Variants in ERBB4 observed in about 807,000 individuals in gnomAD.
ERBB4 encodes the protein erb-b2 receptor tyrosine kinase 4.
Under a neutral mutation model 158.0 loss-of-function variants are expected in ERBB4, and 42 were observed. That is an observed-to-expected ratio of 0.27 (90% CI 0.21 to 0.34). The LOEUF (loss-of-function observed/expected upper bound fraction) is 0.34, where lower values mean the gene tolerates loss of function less well. Ranked by LOEUF, ERBB4 falls within the 10% of genes least tolerant of loss-of-function variation. ERBB4 has a pLI of 1.00. For synonymous variants in ERBB4, 583 were observed against 558.7 expected, an observed-to-expected ratio of 1.04 and a Z score of -0.61; for missense variants, 1,333 against 1,624.1, an observed-to-expected ratio of 0.82 and a Z score of 3.08.
intron 2 of ERBB4, among the ~76,000 whole-genome samples, chr2:212,006,782 C>G (rs2076269642): frequency 6.6e-6 from 1 of 151,934 alleles, no homozygotes; most frequent in Admixed American, 6.6e-5. Flanking sequence ...TCTAGGCTTA[C>G]GTATCTTGCC....
chr2:212,431,297 T>C (rs934372625), intron 1 of ERBB4, among the ~76,000 whole-genome samples: 17 of 124,736 alleles, frequency 1.4e-4, no homozygotes, highest in Non-Finnish European at 2.8e-4. Flanking sequence ...TCCTTCCAAC[T>C]GCTCATATTA....
chr2:211,630,009 A>G (rs1025366968), intron 17 of ERBB4, among the ~76,000 whole-genome samples: 1 of 152,208 alleles, frequency 6.6e-6, no homozygotes, highest in African/African-American at 2.4e-5. Flanking sequence ...TGTCTAAAAC[A>G]CCAAAAGCAA....
At chr2:212,176,532 G>A (rs984483858) in intron 1 of ERBB4, among the ~76,000 whole-genome samples, 2 of 151,900 alleles carry the variant, frequency 1.3e-5, no homozygotes, top group Non-Finnish European at 2.9e-5. Flanking sequence ...AGAACTTTAG[G>A]AAATAAATGT....
chr2:211,534,633 C>T (rs560361137), intron 20 of ERBB4, among the ~76,000 whole-genome samples: 5 of 152,154 alleles, frequency 3.3e-5, no homozygotes, highest in African/African-American at 1.2e-4. Flanking sequence ...ATATTAATTG[C>T]TACCATTATC....
intron 2 of ERBB4, among the ~76,000 whole-genome samples, chr2:212,055,467 G>C (rs1194617051): frequency 6.6e-6 from 1 of 152,216 alleles, no homozygotes; most frequent in Non-Finnish European, 1.5e-5. Flanking sequence ...TCTGAGAATG[G>C]ATAGACAGCC....
At chr2:212,222,831 A>T (rs1036145265) in intron 1 of ERBB4, among the ~76,000 whole-genome samples, 6 of 151,584 alleles carry the variant, frequency 4.0e-5, no homozygotes, top group Non-Finnish European at 8.9e-5. Context: ...ACCAGACTGT[A>T]ATCTCCAGAA....
intron 14 of ERBB4, among the ~76,000 whole-genome samples, chr2:211,672,207 C>T (rs2071870441): frequency 6.6e-6 from 1 of 152,086 alleles, no homozygotes; most frequent in African/African-American, 2.4e-5. Flanking sequence ...AAAATTAATA[C>T]TATTTAAATT....
At chr2:211,823,648 A>C (rs1162027943) in intron 3 of ERBB4, among the ~76,000 whole-genome samples, 1 of 152,046 alleles carries the variant, frequency 6.6e-6, no homozygotes, top group East Asian at 1.9e-4. Context: ...TGGTAAATTC[A>C]ATGTTAATAC....
intron 1 of ERBB4, among the ~76,000 whole-genome samples, chr2:212,452,010 T>G (rs58890126): frequency 0.26 from 32,705 of 124,524 alleles, 3,614 homozygotes; most frequent in African/African-American, 0.29. Context: ...AGTGTGCAGG[T>G]TTTTTTTTTT....
At position 212,125,215 on chromosome 2, in the gene ERBB4, AT is replaced by A. The variant is rs34534545; in HGVS notation, c.83-313del. 126,073 of 209,076 alleles carry A rather than the reference AT, an allele frequency of 0.6. 36,924 individuals are homozygous for A. Among genetic ancestry groups the A allele is most frequent in the African/African-American group, 0.67 (28,542 of 42,650 alleles). 13.0% of individuals were successfully genotyped at this position (209,076 alleles called of 1,614,324 possible). A position where few individuals can be genotyped will look rare whatever the true frequency, so the allele number is the denominator to read the frequency against. ...TAAATACATTTACTTTTATTTAAAC[AT>A]TTTTTTTTTTAGGACATATGATTTA... On this transcript the variant is annotated intron_variant, in intron 1 of 27. Coordinates refer to ENST00000342788, the MANE Select transcript of ERBB4 (RefSeq NM_005235.3).
intron 1 of ERBB4, among the ~76,000 whole-genome samples, chr2:212,189,082 T>TTG (rs1491364333): frequency 1.8e-4 from 19 of 103,484 alleles, no homozygotes; most frequent in African/African-American, 2.4e-4. Context: ...ACTTTTTTTT[T>TTG]GGGGGGGGGG....
At chr2:212,075,703 C>T (rs1393296867) in intron 2 of ERBB4, among the ~76,000 whole-genome samples, 11 of 151,752 alleles carry the variant, frequency 7.2e-5, no homozygotes, top group Non-Finnish European at 1.5e-5. Context: ...ATATTCATAC[C>T]TGTTAGCTGA....
At chr2:211,812,648 G>A (rs2076786129) in intron 3 of ERBB4, among the ~76,000 whole-genome samples, 1 of 152,208 alleles carries the variant, frequency 6.6e-6, no homozygotes, top group Non-Finnish European at 1.5e-5. Flanking sequence ...GCCCCCAGAG[G>A]TGGAGTCATA....
intron 23 of ERBB4, among the ~76,000 whole-genome samples, chr2:211,422,314 T>TA (rs1253046762): frequency 6.6e-6 from 1 of 151,878 alleles, no homozygotes; most frequent in African/African-American, 2.4e-5. Flanking sequence ...TAATGTACTG[T>TA]AAAACAAAAG....
intron 1 of ERBB4, among the ~76,000 whole-genome samples, chr2:212,421,468 T>C (rs2091790996): frequency 1.3e-5 from 2 of 152,192 alleles, no homozygotes; most frequent in Admixed American, 6.6e-5. Flanking sequence ...CATCTAGTCT[T>C]GTTTTCTATA....
chr2:212,280,199 T>C (rs1385496380), intron 1 of ERBB4, among the ~76,000 whole-genome samples: 1 of 151,610 alleles, frequency 6.6e-6, no homozygotes, highest in Non-Finnish European at 1.5e-5. Flanking sequence ...AGCCACCCAG[T>C]TGCTCTCAAA....
intron 4 of ERBB4, among the ~76,000 whole-genome samples, chr2:211,763,120 A>G (rs552580521): frequency 6.6e-6 from 1 of 152,184 alleles, no homozygotes; most frequent in Non-Finnish European, 1.5e-5. Flanking sequence ...TATTAAGCAG[A>G]CACAAAATAT....
intron 2 of ERBB4, among the ~76,000 whole-genome samples, chr2:211,969,764 G>C (rs938060893): frequency 5.3e-5 from 8 of 151,926 alleles, no homozygotes; most frequent in African/African-American, 1.9e-4. Context: ...ATTTTTTACT[G>C]TGTTTATTTG....
chr2:211,670,206 C>T (rs1267850030), intron 14 of ERBB4, among the ~76,000 whole-genome samples: 2 of 152,100 alleles, frequency 1.3e-5, no homozygotes, highest in East Asian at 1.9e-4. Context: ...TGGTCATTAA[C>T]ATGTGGGCCC....
Sources: allele counts gnomAD v4.1 joint callset (sites outside exome capture counted in the v4.1 genomes callset), GRCh38; gene constraint gnomAD v4.1.1; transcripts MANE v1.5; gene names NCBI Gene and HGNC (gene_info 2026-07-23, HGNC 2026-07-21).